The following DGKB variants were observed in gnomAD, a reference collection of about 807,000 sequenced individuals.
DGKB encodes the protein diacylglycerol kinase beta, also known as 90 kDa diacylglycerol kinase.
A neutral mutation model predicts 114.3 loss-of-function variants in DGKB; 67 were observed. The ratio of observed to expected loss-of-function variants is 0.59; its 90% CI spans 0.48 to 0.72. The LOEUF (loss-of-function observed/expected upper bound fraction) is 0.72. Among genes scored for constraint, DGKB ranks in the 30% least tolerant of loss-of-function variants. The probability of loss-of-function intolerance (pLI) is 0.00; values close to 1 mark genes in which losing one functional copy is unlikely to be tolerated. For missense variants in DGKB, 907 were observed against 975.2 expected, an observed-to-expected ratio of 0.93 and a Z score of 0.93; for synonymous variants, 398 against 323.1, an observed-to-expected ratio of 1.23 and a Z score of -2.49.
chr7:14,655,431 T>C (rs1031015554), intron 13 of DGKB, among the ~76,000 whole-genome samples: 4 of 151,760 alleles, frequency 2.6e-5, no homozygotes, highest in Non-Finnish European at 5.9e-5. Flanking sequence ...CATACATTGT[T>C]GGAAGGAATT....
intron 1 of DGKB, among the ~76,000 whole-genome samples, chr7:14,865,023 A>C (rs1333737721): frequency 6.6e-6 from 1 of 152,204 alleles, no homozygotes; most frequent in Non-Finnish European, 1.5e-5. Flanking sequence ...AAGTCACAGC[A>C]GCAGAGATGA....
intron 21 of DGKB, among the ~76,000 whole-genome samples, chr7:14,385,806 T>TAACTA (rs1820247648): frequency 6.6e-6 from 1 of 152,234 alleles, no homozygotes; most frequent in Non-Finnish European, 1.5e-5. Context: ...GTAGGTCTAC[T>TAACTA]AACTACCATA....
At chr7:14,718,827 C>A in intron 5 of DGKB, 142 bp from the exon 6 acceptor site, 1 of 628,136 alleles carries the variant, frequency 1.6e-6, no homozygotes, top group East Asian at 2.8e-5. Context: ...TCTGTAAGAT[C>A]GGTACAGCAG....
intron 21 of DGKB, among the ~76,000 whole-genome samples, chr7:14,471,802 A>G (rs1456975046): frequency 2.0e-5 from 3 of 152,132 alleles, no homozygotes; most frequent in South Asian, 4.1e-4. Flanking sequence ...GAGAAGATAA[A>G]TATACCATGA....
chr7:14,909,314 C>A (rs888229260), intron 1 of DGKB, among the ~76,000 whole-genome samples: 1 of 152,030 alleles, frequency 6.6e-6, no homozygotes, highest in African/African-American at 2.4e-5. Flanking sequence ...AAAAACTCAG[C>A]ATAAAGAAAG....
intron 20 of DGKB, among the ~76,000 whole-genome samples, chr7:14,541,297 A>G (rs1793400605): frequency 6.6e-6 from 1 of 152,202 alleles, no homozygotes; most frequent in Non-Finnish European, 1.5e-5. Context: ...TCAGCTATCA[A>G]TATCACTTCA....
chr7:14,821,729 G>A (rs1844962606), intron 2 of DGKB, among the ~76,000 whole-genome samples: 1 of 152,116 alleles, frequency 6.6e-6, no homozygotes, highest in African/African-American at 2.4e-5. Flanking sequence ...TTTAGGCAGG[G>A]GAATGACATA....
chr7:14,208,470 TCAAA>T (rs1332385095), intron 23 of DGKB, among the ~76,000 whole-genome samples: 3 of 152,004 alleles, frequency 2.0e-5, no homozygotes, highest in East Asian at 1.9e-4. Context: ...AACTTCTACT[TCAAA>T]CAGTTTCCCT....
intron 12 of DGKB, among the ~76,000 whole-genome samples, chr7:14,679,667 G>A (rs1820492713): frequency 6.6e-6 from 1 of 152,004 alleles, no homozygotes; most frequent in South Asian, 2.1e-4. Context: ...ACTTCTGCTA[G>A]CTCTTTGTTA....
intron 1 of DGKB, among the ~76,000 whole-genome samples, chr7:14,962,403 T>C (rs767058475): frequency 1.3e-5 from 2 of 152,140 alleles, no homozygotes; most frequent in African/African-American, 2.4e-5. Flanking sequence ...TTTTTAAAGA[T>C]CAAAATTGCA....
chr7:14,546,994 C>T (rs1377286230), intron 20 of DGKB, among the ~76,000 whole-genome samples: 2 of 152,162 alleles, frequency 1.3e-5, no homozygotes, highest in East Asian at 1.9e-4. Context: ...CCATACTTTG[C>T]ACAAAATAGG....
At chr7:14,667,997 A>G (rs1452340073) in intron 13 of DGKB, among the ~76,000 whole-genome samples, 1 of 152,122 alleles carries the variant, frequency 6.6e-6, no homozygotes, top group Non-Finnish European at 1.5e-5. Flanking sequence ...AAGGTACTAT[A>G]TGAGAGAATG....
chr7:14,635,888 A>G (rs1810660702), intron 13 of DGKB, among the ~76,000 whole-genome samples: 2 of 151,694 alleles, frequency 1.3e-5, no homozygotes, highest in South Asian at 2.1e-4. Context: ...CTAGAAATAT[A>G]TCATTGTATA....
intron 23 of DGKB, among the ~76,000 whole-genome samples, chr7:14,257,469 C>T (rs1273309284): frequency 6.6e-6 from 1 of 152,094 alleles, no homozygotes; most frequent in African/African-American, 2.4e-5. Context: ...CAAATCTCAT[C>T]TTGAATTGTA....
intron 21 of DGKB, among the ~76,000 whole-genome samples, chr7:14,462,157 T>C (rs1156706414): frequency 6.6e-6 from 1 of 152,182 alleles, no homozygotes; most frequent in Non-Finnish European, 1.5e-5. Flanking sequence ...TCCTACTGAA[T>C]GGGCAAAAGC....
rs1308453276 is a variant in DGKB at position 14,211,351 on chromosome 7, GTTTTGTGATATTTA to G, written c.2123-33214_2123-33201del. Among the ~76,000 whole-genome samples the G allele has an allele frequency of 1.8e-4, 19 of 108,454 alleles. 3 individuals carry two copies. The highest frequency in any genetic ancestry group is 1.1e-3 in the Admixed American group (11 of 10,240). The allele number at this position is 108,454 out of a possible 152,430, so 71.2% of individuals were successfully genotyped here. Reference sequence around the variant, plus strand: ...TCATGTTTTGTGATTTTACTCTCATGTTTTGTGATATTTACTCTCGTGTTTTGTGATTTTACTCT... The same window carrying G: ...TCATGTTTTGTGATTTTACTCTCATGCTCTCGTGTTTTGTGATTTTACTCT... On this transcript the variant is annotated intron_variant, in intron 23 of 25. Transcript: ENST00000402815.
intron 13 of DGKB, among the ~76,000 whole-genome samples, chr7:14,639,510 C>G (rs1039334913): frequency 6.6e-6 from 1 of 152,130 alleles, no homozygotes; most frequent in Non-Finnish European, 1.5e-5. Flanking sequence ...AGCTTGCAGC[C>G]GTCCCTAAGA....
intron 7 of DGKB, among the ~76,000 whole-genome samples, chr7:14,699,070 C>G (rs1824633938): frequency 6.6e-6 from 1 of 151,960 alleles, no homozygotes; most frequent in South Asian, 2.1e-4. Context: ...AACAGATTCT[C>G]TTTTGGGAAG....
In DGKB at chr7:14,266,627, C is replaced by T. The variant is rs183997093; in HGVS notation, c.2122+71888G>A. Among the ~76,000 whole-genome samples the T allele has an allele frequency of 1.4e-4, 22 of 152,252 alleles. No homozygotes were observed. The East Asian group carries it at 2.7e-3, about 19-fold the overall frequency. ...TTTCTATTGAGATTCTAAATACCAA[C>T]GTACCAAAATACACCTACCATTATT... On this transcript the variant is annotated intron_variant, in intron 23 of 25. Transcript: ENST00000402815.
Sources: gnomAD v4.1 joint callset for allele counts (sites outside exome capture counted in the v4.1 genomes callset) on GRCh38, gnomAD v4.1.1 for gene constraint, MANE v1.5 for transcripts, NCBI Gene and HGNC (gene_info 2026-07-23, HGNC 2026-07-21) for gene names.